The following PCDHGA10 variants were observed in gnomAD, a reference collection of about 807,000 sequenced individuals.
PCDHGA10 encodes protocadherin gamma-A10.
A neutral mutation model predicts 59.5 loss-of-function variants in PCDHGA10; 42 were observed. The ratio of observed to expected loss-of-function variants is 0.71; its 90% CI spans 0.55 to 0.91. The LOEUF is 0.91. Ranked by LOEUF, PCDHGA10 falls within the 40% of genes least tolerant of loss-of-function variation. The pLI is 0.00. For synonymous variants in PCDHGA10, 511 were observed against 517.2 expected, an observed-to-expected ratio of 0.99 and a Z score of 0.16; for missense variants, 1,111 against 1,198.2, an observed-to-expected ratio of 0.93 and a Z score of 1.07.
intron 3 of PCDHGA10, 61 bp downstream of exon 3, chr5:141,505,542 A>C: frequency 2.6e-5 from 42 of 1,604,950 alleles, no homozygotes; most frequent in Non-Finnish European, 3.2e-5. Flanking sequence ...GGTGCATCTC[A>C]CAGCCACCAT....
At position 141,415,520 on chromosome 5, in the gene PCDHGA10, C is replaced by A. The variant is rs200535016; in HGVS notation, c.2345C>A (p.Thr782Lys). The A allele has an allele frequency of 1.8e-4, 288 of 1,614,072 alleles. 3 individuals carry two copies. The highest frequency in any genetic ancestry group is 6.7e-5 in the Non-Finnish European group (79 of 1,180,044). The change falls in exon 1 of 4, where the codon ACG becomes AAG. Residue 782 changes from threonine to lysine, a missense_variant. Physicochemically the swap from Thr to Lys is moderately conservative, Grantham distance 78 (BLOSUM62 -1). Coordinates refer to ENST00000398610, the MANE Select transcript of PCDHGA10 (RefSeq NM_018913.3). Reference sequence around the variant, plus strand: ...TTCCCCCAGCCCAATTATGCGGACACGCTCATCAGCCAGGAGAGCTGTGAG... The same window carrying A: ...TTCCCCCAGCCCAATTATGCGGACAAGCTCATCAGCCAGGAGAGCTGTGAG... ...LIFPQPNYADTLISQESCEKN... is the reference protein window; with the variant it reads ...LIFPQPNYADKLISQESCEKN...
chr5:141,431,163 A>G lies in PCDHGA10; in HGVS notation c.2436+15552A>G. On this transcript the variant is annotated intron_variant, in intron 1 of 3. Transcript: ENST00000398610. This position sits in a 1 kb window ranked among gnomAD's most constrained non-coding sequence, Gnocchi z 4.8. ...AACGACAATGCGCCTTACTTTCGTG[A>G]AAGTGAATTAGAAATAAAAATTAGT... 1 of 1,614,246 alleles carries G rather than the reference A, an allele frequency of 6.2e-7. No individual in the cohort carries two copies. Among genetic ancestry groups the G allele is most frequent in the Non-Finnish European group, 8.5e-7 (1 of 1,180,036 alleles).
intron 1 of PCDHGA10, chr5:141,422,047 A>G: frequency 6.2e-7 from 1 of 1,611,610 alleles, no homozygotes; most frequent in Non-Finnish European, 8.5e-7. Context: ...AGACGAGGGA[A>G]TCAACGGGGA....
chr5:141,458,698 T>C (rs1258294275), intron 1 of PCDHGA10, among the ~76,000 whole-genome samples: 1 of 152,054 alleles, frequency 6.6e-6, no homozygotes, highest in East Asian at 1.9e-4. Context: ...GCCTCCCGAG[T>C]AGCTGGGATT....
rs1368226100 is a variant in PCDHGA10, at chr5:141,511,268, C to T, written c.*95C>T. The stretch of plus-strand genomic sequence containing the variant: ...CAGGCCTCAGAGTTTCAGGGCTAAC[C>T]CCCAGAATACTGGTAGGGGCCAAGG... On this transcript the variant is annotated 3_prime_UTR_variant, in exon 4 of 4. Coordinates refer to ENST00000398610, the MANE Select transcript of PCDHGA10 (RefSeq NM_018913.3). 1.9e-6 allele frequency: 3 copies of T among 1,546,408 alleles called. No individual in the cohort carries two copies. The highest frequency in any genetic ancestry group is 2.4e-5 in the East Asian group (1 of 41,246).
chr5:141,423,996 A>G (rs1164307988), intron 1 of PCDHGA10: 1 of 1,079,028 alleles, frequency 9.3e-7, no homozygotes, highest in African/African-American at 1.7e-5. Context: ...AATTTATTAT[A>G]TATAGATACA....
intron 1 of PCDHGA10, chr5:141,420,440 C>G (rs1298244162): frequency 9.3e-7 from 1 of 1,076,214 alleles, no homozygotes; most frequent in Non-Finnish European, 1.2e-6. Context: ...AATTAAATGC[C>G]TCAGTCTTCC....
In PCDHGA10 at chr5:141,476,238, G is replaced by A; in HGVS notation, c.2437-18569G>A. The A allele has an allele frequency of 1.2e-6, 2 of 1,614,098 alleles. No individual in the cohort carries two copies. ...ATTCACTATGAGATCCCGGAGGAAAGAGAGAAGGGTTTCGCTGTGGGCAAC... is the reference window on the plus strand; with the variant it reads ...ATTCACTATGAGATCCCGGAGGAAAAAGAGAAGGGTTTCGCTGTGGGCAAC... On this transcript the variant is annotated intron_variant, in intron 1 of 3. Coordinates refer to ENST00000398610, the MANE Select transcript of PCDHGA10 (RefSeq NM_018913.3). The surrounding 1 kb of genome is among the most constrained non-coding windows in gnomAD (Gnocchi z 7.6).
rs1012028735 is a variant in PCDHGA10 at position 141,413,666 on chromosome 5, C to T, written c.491C>T (p.Pro164Leu). 4 of 1,613,666 alleles carry T rather than the reference C, an allele frequency of 2.5e-6. No individual in the cohort carries two copies. In the African/African-American group the frequency reaches 5.3e-5, roughly 22 times the overall value. Residue 164 changes from proline to leucine, a missense_variant, in exon 1 of 4, where the codon CCG becomes CTG. Coordinates refer to ENST00000398610, the MANE Select transcript of PCDHGA10 (RefSeq NM_018913.3). ...MRFPLPEAID[P>L]DVGVNSLQSY... ...TTTCCTCTCCCGGAAGCTATTGATC[C>T]GGATGTGGGCGTGAACTCCCTGCAG... is the stretch of plus-strand genomic sequence containing the variant.
Position 141,486,314 on chromosome 5 carries a change from T to C in PCDHGA10, c.2437-8493T>C, listed in dbSNP as rs775833520. The C allele has an allele frequency of 4.5e-5, 72 of 1,613,758 alleles. No homozygotes were observed. The highest frequency in any genetic ancestry group is 5.9e-5 in the Non-Finnish European group (70 of 1,179,984). On this transcript the variant is annotated intron_variant, in intron 1 of 3. Transcript: ENST00000398610. This position sits in a 1 kb window ranked among gnomAD's most constrained non-coding sequence, Gnocchi z 5.0. ...CAGTGTGCAGGATCCAGACTCAGGG[T>C]CAAACGGAGATGTGAGCCTCCGCAT...
rs1030000451 is a variant in PCDHGA10, at chr5:141,432,417, T to G, written c.2436+16806T>G. 2.5e-6 allele frequency: 4 copies of G among 1,614,124 alleles called. No individual in the cohort carries two copies. In the African/African-American group the frequency reaches 5.3e-5, roughly 22 times the overall value. On this transcript the variant is annotated intron_variant, in intron 1 of 3. Coordinates refer to ENST00000398610, the MANE Select transcript of PCDHGA10 (RefSeq NM_018913.3). This position sits in a 1 kb window ranked among gnomAD's most constrained non-coding sequence, Gnocchi z 6.0. The stretch of plus-strand genomic sequence containing the variant: ...AACGTGTCGTTGAGCCTGTTCGTGC[T>G]GGACCAGAACGACAATGCGCCCGAG...
At chr5:141,423,205 A>G in intron 1 of PCDHGA10, 1 of 1,613,612 alleles carries the variant, frequency 6.2e-7, no homozygotes, top group South Asian at 1.1e-5. Flanking sequence ...GGCCACCGTC[A>G]CGCTCACCGT....
intron 1 of PCDHGA10, chr5:141,416,686 T>C (rs1341005031): frequency 6.6e-6 from 1 of 152,244 alleles, no homozygotes; most frequent in African/African-American, 2.4e-5. Flanking sequence ...AGGGAAATTA[T>C]ATAAACAAAG....
Position 141,418,514 on chromosome 5 carries a change from G to A in PCDHGA10, c.2436+2903G>A. Reference sequence around the variant, plus strand: ...GGTACTGACCGCCTTAGATGGTGGGGACCCTCCCCGAAGCGGTACTGCTCA... The same window carrying A: ...GGTACTGACCGCCTTAGATGGTGGGAACCCTCCCCGAAGCGGTACTGCTCA... On this transcript the variant is annotated intron_variant, in intron 1 of 3. Transcript: ENST00000398610. 1 of 1,613,996 alleles carries A rather than the reference G, an allele frequency of 6.2e-7. No homozygotes were observed.
intron 1 of PCDHGA10, chr5:141,428,599 A>G (rs1324155257): frequency 8.9e-6 from 2 of 223,902 alleles, no homozygotes; most frequent in Non-Finnish European, 1.8e-5. Context: ...AGCAAGCTTC[A>G]CTGAAGAGAA....
At chr5:141,510,814 C>T in intron 3 of PCDHGA10, 133 bp from the exon 4 acceptor site, 2 of 1,544,688 alleles carry the variant, frequency 1.3e-6, no homozygotes, top group East Asian at 4.6e-5. Context: ...TTGGTGACCC[C>T]TATATTCCCA....
rs369206085 is a variant in PCDHGA10 at position 141,490,515 on chromosome 5, G to A, written c.2437-4292G>A. On this transcript the variant is annotated intron_variant, in intron 1 of 3. Transcript: ENST00000398610. The surrounding 1 kb of genome is among the most constrained non-coding windows in gnomAD (Gnocchi z 5.4). ...CATCCCACTATATCATCGAGCTGCT[G>A]GCCAGCGATGCTGGTTCACCTTCCC... The A allele has an allele frequency of 2.3e-5, 37 of 1,613,840 alleles. No individual in the cohort carries two copies. In the Middle Eastern group the frequency reaches 1.2e-3, roughly 50 times the overall value.
At chr5:141,416,217 G>A (rs1224952837) in intron 1 of PCDHGA10, 1 of 152,288 alleles carries the variant, frequency 6.6e-6, no homozygotes, top group Non-Finnish European at 1.5e-5. Flanking sequence ...AACAATGTAT[G>A]CTTAGATTTT....
At chr5:141,423,826 A>G (rs1324911075) in intron 1 of PCDHGA10, 21 of 1,275,178 alleles carry the variant, frequency 1.6e-5, no homozygotes, top group Middle Eastern at 2.2e-4. Flanking sequence ...TTTGCCTTTC[A>G]TGAGATTACG....
Sources: gnomAD v4.1 joint callset for allele counts (sites outside exome capture counted in the v4.1 genomes callset) on GRCh38, gnomAD v4.1.1 for gene constraint, Gnocchi (gnomAD v3.1) non-coding constraint, MANE v1.5 for transcripts, NCBI Gene and HGNC (gene_info 2026-07-23, HGNC 2026-07-21) for gene names.